Variants in COL12A1 observed in about 807,000 individuals in gnomAD.
COL12A1 encodes the protein collagen type XII alpha 1 chain, also known as collagen alpha-1(XII) chain.
A neutral mutation model predicts 349.7 loss-of-function variants in COL12A1; 114 were observed. The ratio of observed to expected loss-of-function variants is 0.33; its 90% CI spans 0.28 to 0.38. COL12A1 has a LOEUF of 0.38. COL12A1 is among the 10% of genes least tolerant of loss of function. The pLI is 1.00. For missense variants in COL12A1, 3,284 were observed against 3,756.9 expected (o/e 0.87, Z 3.29); for synonymous variants, 1,369 against 1,329.0 (o/e 1.03, Z -0.66).
chr6:75,095,374 T>G (rs889541607), intron 59 of COL12A1, among the ~76,000 whole-genome samples, 195 bp from the exon 60 acceptor site: 5 of 152,018 alleles, frequency 3.3e-5, no homozygotes, highest in Non-Finnish European at 5.9e-5. Context: ...TCCCAGCACT[T>G]TGGGAGGCCG....
intron 13 of COL12A1, among the ~76,000 whole-genome samples, chr6:75,171,702 G>A (rs1768641742): frequency 1.3e-5 from 2 of 152,138 alleles, no homozygotes; most frequent in South Asian, 4.1e-4. Flanking sequence ...CTCTGTTTCT[G>A]GGCTTTCCAC....
intron 2 of COL12A1, among the ~76,000 whole-genome samples, chr6:75,201,403 T>C (rs1044311757): frequency 2.0e-5 from 3 of 152,178 alleles, no homozygotes; most frequent in Non-Finnish European, 4.4e-5. Context: ...TAACATGCCA[T>C]ACATTTTGGA....
chr6:75,205,168 G>T (rs973938680), intron 1 of COL12A1, among the ~76,000 whole-genome samples: 4 of 150,888 alleles, frequency 2.7e-5, no homozygotes, highest in Admixed American at 1.3e-4. Context: ...TTCTCCCGGA[G>T]CTGGGAAAAG....
intron 16 of COL12A1, 57 bp from the exon 17 acceptor site, chr6:75,154,594 C>CT (rs371546526): frequency 3.1e-4 from 455 of 1,486,694 alleles, no homozygotes; most frequent in South Asian, 5.7e-4. Flanking sequence ...AGTGGTAGCA[C>CT]TTTTTTTTTG....
intron 36 of COL12A1, among the ~76,000 whole-genome samples, chr6:75,130,605 A>G (rs1252567805): frequency 6.6e-6 from 1 of 152,244 alleles, no homozygotes; most frequent in African/African-American, 2.4e-5. Context: ...GATACAGAGC[A>G]GAAGAGGGGA....
Position 75,101,587 on chromosome 6 carries a change from C to G in COL12A1, c.8523+13G>C. ...ATTTCCAACATCATTGTAGCCTGCT[C>G]AAGAAAACTTACTCTGTCTCCTGGA... On this transcript the variant is annotated intron_variant, in intron 58 of 65. Coordinates refer to ENST00000322507, the MANE Select transcript of COL12A1 (RefSeq NM_004370.6). 6.2e-7 allele frequency: 1 copy of G among 1,612,008 alleles called. No individual in the cohort carries two copies. Among genetic ancestry groups the G allele is most frequent in the East Asian group, 2.2e-5 (1 of 44,860 alleles).
At chr6:75,095,712 T>C (rs1372321734) in intron 59 of COL12A1, among the ~76,000 whole-genome samples, 1 of 152,088 alleles carries the variant, frequency 6.6e-6, no homozygotes, top group Non-Finnish European at 1.5e-5. Context: ...CTATATAGTT[T>C]TAAAATATAT....
At chr6:75,201,296 A>G (rs2149491021) in intron 2 of COL12A1, among the ~76,000 whole-genome samples, 1 of 152,372 alleles carries the variant, frequency 6.6e-6, no homozygotes, top group East Asian at 1.9e-4. Flanking sequence ...AAGCAACTTC[A>G]TCTGACTATT....
chr6:75,110,443 G>C (rs79823356), intron 51 of COL12A1, among the ~76,000 whole-genome samples: 2,960 of 152,094 alleles, frequency 0.019, 55 homozygotes, highest in Non-Finnish European at 0.025. Flanking sequence ...CAAATGCATA[G>C]TTACATTTCA....
chr6:75,177,309 C>G (rs144378746), intron 12 of COL12A1, among the ~76,000 whole-genome samples: 62 of 152,012 alleles, frequency 4.1e-4, no homozygotes, highest in African/African-American at 1.5e-3. Context: ...TAGTTGCACG[C>G]GCCTGTAATC....
chr6:75,123,850 C>T (rs1173957556), intron 42 of COL12A1, 98 bp downstream of exon 42: 53 of 1,271,388 alleles, frequency 4.2e-5, no homozygotes, highest in Non-Finnish European at 5.2e-5. Context: ...GCTACCCCTA[C>T]GGAGAGGTAC....
rs1417447658 is a variant in COL12A1, at chr6:75,202,836, G to A, written c.-35-9C>T. 4 of 1,532,670 alleles carry A rather than the reference G, an allele frequency of 2.6e-6. No individual in the cohort carries two copies. The highest frequency in any genetic ancestry group is 2.7e-5 in the African/African-American group (2 of 72,806). 94.9% of individuals were successfully genotyped at this position (1,532,670 alleles called of 1,614,324 possible). A position where few individuals can be genotyped will look rare whatever the true frequency, so the allele number is the denominator to read the frequency against. ...CAGCGGCATGAAGAGATCTGCGGGA[G>A]GAAGTAGTGACTGCATCAGAACTGG... On this transcript the variant is annotated splice_polypyrimidine_tract_variant and intron_variant, in intron 1 of 65. Transcript: ENST00000322507.
intron 1 of COL12A1, among the ~76,000 whole-genome samples, chr6:75,203,517 T>C (rs1315837207): frequency 6.6e-6 from 1 of 152,216 alleles, no homozygotes; most frequent in Non-Finnish European, 1.5e-5. Context: ...CTTGTCTGTT[T>C]TTCCAACGTG....
At chr6:75,115,656 C>G in intron 49 of COL12A1, 128 bp downstream of exon 49, 1 of 1,210,850 alleles carries the variant, frequency 8.3e-7, no homozygotes. Flanking sequence ...TTTAAGAAAA[C>G]CAATCAGGGT....
chr6:75,095,599 G>C (rs944442023), intron 59 of COL12A1, among the ~76,000 whole-genome samples: 1 of 135,796 alleles, frequency 7.4e-6, no homozygotes, highest in African/African-American at 3.0e-5. Flanking sequence ...AGTCCGGCCT[G>C]GGCGACAGAG....
At position 75,202,777 on chromosome 6, in the gene COL12A1, G is replaced by A; in HGVS notation, c.16C>T (p.Pro6Ser). 6.4e-7 allele frequency: 1 copy of A among 1,551,858 alleles called. No individual in the cohort carries two copies. The highest frequency in any genetic ancestry group is 8.7e-7 in the Non-Finnish European group (1 of 1,147,022). The change falls in exon 2 of 66, where the codon CCC becomes TCC. Residue 6 changes from proline (P) to serine (S), a missense_variant. Physicochemically the swap from Pro to Ser is moderately conservative, Grantham distance 74. Coordinates refer to ENST00000322507, the MANE Select transcript of COL12A1 (RefSeq NM_004370.6). ...GCGCCCAGGGCGGCAAGCGCTGGGG[G>A]AAGCCTACTCCGCATCCTTGGCCTC... MRSRL[P>S]PALAALGAAL...
chr6:75,096,151 T>G (rs906774545), intron 59 of COL12A1, among the ~76,000 whole-genome samples: 1 of 152,212 alleles, frequency 6.6e-6, no homozygotes, highest in Non-Finnish European at 1.5e-5. Context: ...GTTTATAATA[T>G]GTACTGGCCA....
intron 21 of COL12A1, among the ~76,000 whole-genome samples, chr6:75,149,163 T>C (rs1287822555): frequency 6.6e-6 from 1 of 152,096 alleles, no homozygotes; most frequent in East Asian, 1.9e-4. Flanking sequence ...CTAAGACCTC[T>C]GAATCACCTT....
chr6:75,124,383 A>G lies in COL12A1; in HGVS notation c.6608-12T>C, dbSNP rs752508857. On this transcript the variant is annotated splice_polypyrimidine_tract_variant and intron_variant, in intron 40 of 65. Coordinates refer to ENST00000322507, the MANE Select transcript of COL12A1 (RefSeq NM_004370.6). The stretch of plus-strand genomic sequence containing the variant: ...TACATTTAAATATACTACAAAATAA[A>G]GAAAGAAAGAGATTTACTTTGTAAA... 1 of 1,554,102 alleles carries G rather than the reference A, an allele frequency of 6.4e-7. No homozygotes were observed. The highest frequency in any genetic ancestry group is 1.8e-5 in the Admixed American group (1 of 56,366).
Sources: gnomAD v4.1 joint callset for allele counts (sites outside exome capture counted in the v4.1 genomes callset) on GRCh38, gnomAD v4.1.1 for gene constraint, MANE v1.5 for transcripts, NCBI Gene and HGNC (gene_info 2026-07-23, HGNC 2026-07-21) for gene names.